Variants in TSPAN9 observed in about 807,000 individuals in gnomAD.
The protein encoded by TSPAN9 is tetraspanin 9, also known as tetraspanin-9.
TSPAN9 carries 16 observed loss-of-function variants against 31.0 expected under a neutral mutation model. The ratio of observed to expected loss-of-function variants is 0.52; its 90% confidence interval spans 0.35 to 0.78. The LOEUF (loss-of-function observed/expected upper bound fraction) is 0.78. Ranked by LOEUF, TSPAN9 falls within the 30% of genes least tolerant of loss-of-function variation. The pLI, the probability that TSPAN9 is intolerant of heterozygous loss-of-function variation, is 0.01. For synonymous variants in TSPAN9, 145 were observed against 121.6 expected (o/e 1.19, Z -1.27); for missense variants, 272 against 312.5 (o/e 0.87, Z 0.98).
chr12:3,089,777 A>T (rs1400168089), intron 2 of TSPAN9, among the ~76,000 whole-genome samples: 2 of 151,770 alleles, frequency 1.3e-5, no homozygotes, highest in African/African-American at 4.8e-5. Flanking sequence ...CCAGGCATGC[A>T]TACCTGTAGT....
intron 3 of TSPAN9, among the ~76,000 whole-genome samples, chr12:3,268,754 G>C (rs368211678): frequency 4.3e-5 from 3 of 69,304 alleles, no homozygotes; most frequent in Non-Finnish European, 5.8e-5. Flanking sequence ...CCTGCCCTCC[G>C]TGCGTTTCTG....
At chr12:3,222,370 C>T (rs956146259) in intron 3 of TSPAN9, among the ~76,000 whole-genome samples, 3 of 152,208 alleles carry the variant, frequency 2.0e-5, no homozygotes, top group Non-Finnish European at 2.9e-5. Context: ...TTGGAAACCT[C>T]GTCCAGGTTG....
chr12:3,128,820 A>C (rs952160773), intron 2 of TSPAN9, among the ~76,000 whole-genome samples: 1 of 152,202 alleles, frequency 6.6e-6, no homozygotes, highest in Non-Finnish European at 1.5e-5. Context: ...TTTAACTGAC[A>C]TTAAGTACAT....
At chr12:3,162,856 C>A (rs540440458) in intron 2 of TSPAN9, among the ~76,000 whole-genome samples, 14 of 152,258 alleles carry the variant, frequency 9.2e-5, no homozygotes, top group Middle Eastern at 3.4e-3. Context: ...TCTCCCCTGC[C>A]GGGAGAGCTG....
chr12:3,102,590 AC>A (rs2098312362), intron 2 of TSPAN9, among the ~76,000 whole-genome samples: 1 of 151,880 alleles, frequency 6.6e-6, no homozygotes, highest in African/African-American at 2.4e-5. Context: ...GGCGCCCGCC[AC>A]CACGCCCGGC....
At chr12:3,109,056 C>A (rs1479629800) in intron 2 of TSPAN9, among the ~76,000 whole-genome samples, 1 of 152,058 alleles carries the variant, frequency 6.6e-6, no homozygotes, top group Non-Finnish European at 1.5e-5. Context: ...CTGTCTCAGC[C>A]TCCCGAGTAG....
At chr12:3,081,574 G>C (rs1158573032) in intron 1 of TSPAN9, among the ~76,000 whole-genome samples, 2 of 152,124 alleles carry the variant, frequency 1.3e-5, no homozygotes, top group Non-Finnish European at 2.9e-5. Flanking sequence ...GGGAACCCCG[G>C]TGGCATTTTC....
intron 2 of TSPAN9, among the ~76,000 whole-genome samples, chr12:3,148,910 G>A (rs1027249328): frequency 1.3e-5 from 2 of 152,156 alleles, no homozygotes; most frequent in African/African-American, 4.8e-5. Flanking sequence ...GGGGCCTCTC[G>A]GGCGTGCCTG....
At chr12:3,215,902 C>A (rs1316312794) in intron 3 of TSPAN9, among the ~76,000 whole-genome samples, 1 of 151,080 alleles carries the variant, frequency 6.6e-6, no homozygotes, top group African/African-American at 2.5e-5. Flanking sequence ...GCACGTTCCA[C>A]CGGGACCTCT....
chr12:3,115,975 CT>C (rs2098322141), intron 2 of TSPAN9, among the ~76,000 whole-genome samples: 1 of 152,176 alleles, frequency 6.6e-6, no homozygotes, highest in Non-Finnish European at 1.5e-5. Context: ...TTTAACAACC[CT>C]TTTTACTGTC....
intron 2 of TSPAN9, among the ~76,000 whole-genome samples, chr12:3,118,721 A>G (rs1035594911): frequency 1.3e-5 from 2 of 151,540 alleles, no homozygotes; most frequent in African/African-American, 2.4e-5. Context: ...GGTCTCTCCC[A>G]CTCCCAGCCA....
At position 3,109,183 on chromosome 12, in the gene TSPAN9, G is replaced by A. The variant is rs532966345; in HGVS notation, c.-18+25464G>A. Among the ~76,000 whole-genome samples the A allele has an allele frequency of 2.2e-4, 34 of 151,592 alleles. No individual in the cohort carries two copies. In the South Asian group the frequency reaches 2.9e-3, roughly 13 times the overall value. On this transcript the variant is annotated intron_variant, in intron 2 of 8. Transcript: ENST00000011898. ...GATCTCCTGACCTCGTGATCCGCCC[G>A]CCTTGGCCTCCCAGAGTGCTGGGAT...
At chr12:3,086,269 C>G (rs2098300426) in intron 2 of TSPAN9, among the ~76,000 whole-genome samples, 1 of 151,868 alleles carries the variant, frequency 6.6e-6, no homozygotes, top group African/African-American at 2.4e-5. Context: ...TTGCTGGCAT[C>G]TGGAGTTGGG....
chr12:3,109,740 G>A (rs1227369659), intron 2 of TSPAN9, among the ~76,000 whole-genome samples: 1 of 148,488 alleles, frequency 6.7e-6, no homozygotes, highest in African/African-American at 2.5e-5. Flanking sequence ...GGATGTTGCA[G>A]TCAGCCGAGA....
At chr12:3,093,017 G>A (rs1403561642) in intron 2 of TSPAN9, among the ~76,000 whole-genome samples, 2 of 152,240 alleles carry the variant, frequency 1.3e-5, no homozygotes, top group African/African-American at 4.8e-5. Flanking sequence ...CTCACGTTCT[G>A]ATGTTCAGAT....
At position 3,278,996 on chromosome 12, in the gene TSPAN9, T is replaced by G. The variant is rs754646751; in HGVS notation, c.260T>G (p.Phe87Cys). The change falls in exon 5 of 9, where the codon TTC (phenylalanine) becomes TGC (cysteine). Residue 87 changes from phenylalanine (F) to cysteine (C), a missense_variant. By Grantham distance (205) the Phe-to-Cys change is radical. Transcript: ENST00000011898. Reference sequence around the variant, plus strand: ...GCCTGGCCCTTTCCTTTCCAGTTTTTCATCGTCCTGTTGGTCATCCTCCTA... The same window carrying G: ...GCCTGGCCCTTTCCTTTCCAGTTTTGCATCGTCCTGTTGGTCATCCTCCTA... ...KENKCLLLSF[F>C]IVLLVILLAE... The G allele has an allele frequency of 8.1e-6, 13 of 1,614,054 alleles. No homozygotes were observed. The Admixed American group carries it at 1.2e-4, about 14-fold the overall frequency.
Position 3,147,106 on chromosome 12 carries a change from C to T in TSPAN9, c.-17-54071C>T, listed in dbSNP as rs1317361990. ...AACTAGCATTCTCTCCCCTTTTCTCCTTACTTCCTTTCTGCAGGGTATGTA... is the reference window on the plus strand; with the variant it reads ...AACTAGCATTCTCTCCCCTTTTCTCTTTACTTCCTTTCTGCAGGGTATGTA... On this transcript the variant is annotated intron_variant, in intron 2 of 8. Transcript: ENST00000011898. This position sits in a 1 kb window ranked among gnomAD's most constrained non-coding sequence, Gnocchi z 4.3. 7.6e-6 allele frequency among the ~76,000 whole-genome samples: 1 copy of T among 131,710 alleles called. No individual in the cohort carries two copies. Among genetic ancestry groups the T allele is most frequent in the African/African-American group, 2.6e-5 (1 of 38,232 alleles). The allele number at this position is 131,710 out of a possible 152,430, so 86.4% of individuals were successfully genotyped here.
intron 2 of TSPAN9, among the ~76,000 whole-genome samples, chr12:3,096,205 CAT>C (rs988086548): frequency 1.4e-4 from 21 of 152,326 alleles, no homozygotes; most frequent in Admixed American, 1.0e-3. Flanking sequence ...GGAACTAAAA[CAT>C]AGATACTGCC....
intron 2 of TSPAN9, among the ~76,000 whole-genome samples, chr12:3,089,219 G>C (rs574170690): frequency 2.2e-4 from 32 of 147,470 alleles, no homozygotes; most frequent in African/African-American, 4.7e-4. Flanking sequence ...GTGACAGAGC[G>C]AGACTCCATC....
Sources: gnomAD v4.1 joint callset for allele counts (sites outside exome capture counted in the v4.1 genomes callset) on GRCh38, gnomAD v4.1.1 for gene constraint, Gnocchi (gnomAD v3.1) non-coding constraint, MANE v1.5 for transcripts, NCBI Gene and HGNC (gene_info 2026-07-23, HGNC 2026-07-21) for gene names.